OTOG: variants seen among roughly 807,000 people sequenced by gnomAD.
OTOG encodes otogelin.
OTOG carries 296 observed loss-of-function variants against 313.8 expected under a neutral mutation model. The observed-to-expected ratio is 0.94, with a 90% CI of 0.86 to 1.04. The LOEUF is 1.04. Ranked by LOEUF, OTOG falls within the 50% of genes least tolerant of loss-of-function variation. The pLI, the probability that OTOG is intolerant of heterozygous loss-of-function variation, is 0.00. For synonymous variants in OTOG, 1,533 were observed against 1,554.9 expected (o/e 0.99, Z 0.33); for missense variants, 3,948 against 3,840.1 (o/e 1.03, Z -0.74).
chr11:17,575,379 G>C (rs1852501283), intron 20 of OTOG, among the ~76,000 whole-genome samples: 1 of 152,228 alleles, frequency 6.6e-6, no homozygotes, highest in South Asian at 2.1e-4. Flanking sequence ...AAGGCAGAGT[G>C]AGAGCAGGGA....
intron 16 of OTOG, 123 bp from the exon 17 acceptor site, chr11:17,570,090 A>G: frequency 1.2e-6 from 1 of 840,868 alleles, no homozygotes; most frequent in Non-Finnish European, 1.8e-6. Context: ...GCAGGCAGGC[A>G]GGCAGGCAGG....
chr11:17,553,495 C>T lies in OTOG; in HGVS notation c.516C>T (p.Pro172=), dbSNP rs149868055. The T allele has an allele frequency of 2.2e-4, 320 of 1,448,734 alleles. No individual in the cohort carries two copies. In the East Asian group the frequency reaches 3.2e-3, roughly 14 times the overall value. The allele number at this position is 1,448,734 out of a possible 1,614,324, so 89.7% of individuals were successfully genotyped here. A position where few individuals can be genotyped will look rare whatever the true frequency, so the allele number is the denominator to read the frequency against. Residue 172 remains proline, a synonymous_variant, in exon 6 of 56, where the codon CCC becomes CCT. Transcript: ENST00000399397. The part of the protein sequence containing the change: ...GSYTLVGRHE[P]EGQSFSIQVH... ...ACACCCTGGTGGGTCGCCATGAGCC[C>T]GAGGGACAGAGCTTCTCCATCCAGG...
At chr11:17,559,321 G>A (rs1852127446) in intron 11 of OTOG, among the ~76,000 whole-genome samples, 160 bp downstream of exon 11, 1 of 152,240 alleles carries the variant, frequency 6.6e-6, no homozygotes, top group Non-Finnish European at 1.5e-5. Flanking sequence ...GAGGCTCAGA[G>A]TGGGAGGAGC....
In OTOG at chr11:17,558,587, G is replaced by A. The variant is rs962287941; in HGVS notation, c.1046G>A (p.Cys349Tyr). 1.5e-5 allele frequency: 24 copies of A among 1,550,302 alleles called. No homozygotes were observed. Among genetic ancestry groups the A allele is most frequent in the Non-Finnish European group, 1.8e-5 (21 of 1,147,012 alleles). The change falls in exon 10 of 56, where the codon TGC becomes TAC. Residue 349 changes from cysteine (C) to tyrosine (Y), a missense_variant. Coordinates refer to ENST00000399397, the MANE Select transcript of OTOG (RefSeq NM_001292063.2). ...EALLRPPFDA[C>Y]HAYVSPLPFT... ...CTACTGCGGCCCCCCTTTGACGCCT[G>A]CCACGCCTACGTCAGCCCTCTGCCC...
rs1420784441 is a variant in OTOG at position 17,548,326 on chromosome 11, A to G, written c.216+114A>G. On this transcript the variant is annotated intron_variant, in intron 3 of 55. Transcript: ENST00000399397. ...GAGGGGTCTCTGGAGTTGTTCAGAA[A>G]GGAACAAGCAGATTCCTGGTATGTG... is the stretch of plus-strand genomic sequence containing the variant. 6 of 827,748 alleles carry G rather than the reference A, an allele frequency of 7.2e-6. No individual in the cohort carries two copies. In the Admixed American group the frequency reaches 1.2e-4, roughly 17 times the overall value. The allele number at this position is 827,748 out of a possible 1,614,324, so 51.3% of individuals were successfully genotyped here. A position where few individuals can be genotyped will look rare whatever the true frequency, so the allele number is the denominator to read the frequency against.
chr11:17,593,192 G>T lies in OTOG; in HGVS notation c.3007-1G>T. ...ATTGGACTCACTTATTCTCTCCTCAGAGCACATCAGATGTCAGCTTCTCTG... is the reference window on the plus strand; with the variant it reads ...ATTGGACTCACTTATTCTCTCCTCATAGCACATCAGATGTCAGCTTCTCTG... On this transcript the variant is annotated splice_acceptor_variant, in intron 25 of 55. Transcript: ENST00000399397. LOFTEE classifies it high-confidence loss of function. 1 of 1,549,926 alleles carries T rather than the reference G, an allele frequency of 6.5e-7. No individual in the cohort carries two copies. Among genetic ancestry groups the T allele is most frequent in the South Asian group, 1.2e-5 (1 of 84,006 alleles).
rs1851948585 is a variant in OTOG at position 17,552,056 on chromosome 11, G to A, written c.273G>A (p.Arg91=). 6.4e-7 allele frequency: 1 copy of A among 1,550,534 alleles called. No individual in the cohort carries two copies. Among genetic ancestry groups the A allele is most frequent in the African/African-American group, 1.4e-5 (1 of 73,168 alleles). ...CTTCCTGGGAAAGGCGGCTCCATCG[G>A]GCCAAGTGTGCACCATCCTGTAAGT... ...AMSSWERRLH[R]AKCAPSYLFS... The change falls in exon 4 of 56, where the codon CGG becomes CGA. Residue 91 remains arginine (R), a synonymous_variant. Transcript: ENST00000399397.
intron 54 of OTOG, among the ~76,000 whole-genome samples, chr11:17,645,276 T>C (rs1445268547): frequency 6.6e-6 from 1 of 152,190 alleles, no homozygotes; most frequent in Non-Finnish European, 1.5e-5. Flanking sequence ...GCAGCCTCAC[T>C]CTGTCCCCAG....
At position 17,594,172 on chromosome 11, in the gene OTOG, G is replaced by A; in HGVS notation, c.3408+6G>A. Reference sequence around the variant, plus strand: ...GCAGTTGGGCTGCAGTTGAGGTAAAGCCTCTCTTCCAGGCTGGCTTATGCC... The same window carrying A: ...GCAGTTGGGCTGCAGTTGAGGTAAAACCTCTCTTCCAGGCTGGCTTATGCC... On this transcript the variant is annotated splice_donor_region_variant and intron_variant, in intron 28 of 55. Coordinates refer to ENST00000399397, the MANE Select transcript of OTOG (RefSeq NM_001292063.2). The A allele has an allele frequency of 6.4e-7, 1 of 1,550,620 alleles. No homozygotes were observed.
intron 40 of OTOG, among the ~76,000 whole-genome samples, chr11:17,629,876 G>C (rs2133700533): frequency 6.6e-6 from 1 of 152,294 alleles, no homozygotes; most frequent in Admixed American, 6.5e-5. Context: ...GCCTGGATGT[G>C]GGCCGCTGCT....
intron 42 of OTOG, 64 bp from the exon 43 acceptor site, chr11:17,633,616 G>A (rs1256263671): frequency 4.9e-6 from 7 of 1,416,548 alleles, no homozygotes; most frequent in East Asian, 2.5e-5. Context: ...CTGTTCTTTC[G>A]GCCCTCAGTG....
At chr11:17,591,657 C>G (rs1012321042) in intron 25 of OTOG, 69 bp downstream of exon 25, 1 of 1,521,860 alleles carries the variant, frequency 6.6e-7, no homozygotes, top group Admixed American at 2.0e-5. Flanking sequence ...GTGCTCTGGA[C>G]TCCAGTTTGA....
chr11:17,620,291 C>T (rs560787951), intron 39 of OTOG, among the ~76,000 whole-genome samples: 1 of 152,180 alleles, frequency 6.6e-6, no homozygotes, highest in Non-Finnish European at 1.5e-5. Flanking sequence ...CTGCCTGTTG[C>T]CTCTGGATTT....
intron 18 of OTOG, among the ~76,000 whole-genome samples, chr11:17,572,530 C>T (rs1852427122): frequency 6.6e-6 from 1 of 152,236 alleles, no homozygotes; most frequent in Non-Finnish European, 1.5e-5. Flanking sequence ...TCTCACCGCC[C>T]TCTGCTCTGC....
intron 14 of OTOG, 149 bp from the exon 15 acceptor site, chr11:17,561,513 G>A: frequency 1.2e-6 from 1 of 812,670 alleles, no homozygotes; most frequent in Non-Finnish European, 2.0e-6. Flanking sequence ...GTCTCCCACT[G>A]CCCAGGGCTC....
chr11:17,610,086 G>T lies in OTOG; in HGVS notation c.4786G>T (p.Ala1596Ser). Residue 1596 changes from alanine (A) to serine (S), a missense_variant, in exon 36 of 56, where the codon GCA (alanine) becomes TCA (serine). Physicochemically the swap from Ala to Ser is moderately conservative, Grantham distance 99. Transcript: ENST00000399397. ...GACAACAAGGGTGACTGTGATCTTT[G>T]CAGGAAGCCCTAACATCACAGTCTC... is the stretch of plus-strand genomic sequence containing the variant. ...METTRVTVIF[A>S]GSPNITVSSR... 1 of 1,550,516 alleles carries T rather than the reference G, an allele frequency of 6.4e-7. No individual in the cohort carries two copies. The highest frequency in any genetic ancestry group is 8.7e-7 in the Non-Finnish European group (1 of 1,146,930).
At position 17,610,886 on chromosome 11, in the gene OTOG, C is replaced by G. The variant is rs1299767203; in HGVS notation, c.5586C>G (p.Pro1862=). The G allele has an allele frequency of 3.2e-6, 5 of 1,550,614 alleles. No individual in the cohort carries two copies. Among genetic ancestry groups the G allele is most frequent in the African/African-American group, 1.4e-5 (1 of 73,044 alleles). The change falls in exon 36 of 56, where the codon CCC becomes CCG. Residue 1862 remains proline, a synonymous_variant. Coordinates refer to ENST00000399397, the MANE Select transcript of OTOG (RefSeq NM_001292063.2). The part of the protein sequence containing the change: ...TPAAMTQAHP[P]THIAPPAAGT... ...CAGCAATGACCCAGGCGCACCCACCCACTCACATAGCACCCCCAGCAGCAG... is the reference window on the plus strand; with the variant it reads ...CAGCAATGACCCAGGCGCACCCACCGACTCACATAGCACCCCCAGCAGCAG...
intron 11 of OTOG, 115 bp downstream of exon 11, chr11:17,559,276 C>T (rs930124229): frequency 4.9e-5 from 49 of 1,004,628 alleles, no homozygotes; most frequent in East Asian, 4.7e-4. Flanking sequence ...CTCTCAGCCC[C>T]GAGGTTTTAT....
intron 3 of OTOG, among the ~76,000 whole-genome samples, chr11:17,551,037 G>A (rs1851919752): frequency 6.6e-6 from 1 of 152,082 alleles, no homozygotes; most frequent in South Asian, 2.1e-4. Context: ...GACATGTGAG[G>A]TAAATACCCA....
Sources: gnomAD v4.1 joint callset for allele counts (sites outside exome capture counted in the v4.1 genomes callset) on GRCh38, gnomAD v4.1.1 for gene constraint, MANE v1.5 for transcripts, NCBI Gene and HGNC (gene_info 2026-07-23, HGNC 2026-07-21) for gene names.